AKAP6: variants seen among roughly 807,000 people sequenced by gnomAD.
AKAP6 encodes A-kinase anchoring protein 6, also known as A-kinase anchor protein 6.
A neutral mutation model predicts 188.5 loss-of-function variants in AKAP6; 58 were observed. The observed-to-expected ratio is 0.31, with a 90% CI of 0.25 to 0.38. The LOEUF (loss-of-function observed/expected upper bound fraction) is 0.38, where lower values mean the gene tolerates loss of function less well. Among genes scored for constraint, AKAP6 ranks in the 10% least tolerant of loss-of-function variants. The pLI is 1.00. For synonymous variants in AKAP6, 989 were observed against 998.6 expected, an observed-to-expected ratio of 0.99 and a Z score of 0.18; for missense variants, 2,710 against 2,740.0, an observed-to-expected ratio of 0.99 and a Z score of 0.24.
Position 32,545,614 on chromosome 14 carries a change from T to A in AKAP6, c.961T>A (p.Leu321Ile). The change falls in exon 4 of 14, where the codon TTA (leucine) becomes ATA (isoleucine). Residue 321 changes from leucine to isoleucine, a missense_variant. Around this residue, in one of 2 missense-constraint regions of AKAP6, gnomAD observed 2,473 missense variants for 2,426.1 expected, o/e 1.02. Coordinates refer to ENST00000280979, the MANE Select transcript of AKAP6 (RefSeq NM_004274.5). ...NASAVEEQPG[L>I]TLGVSSSSGE... ...TTCTGCAGTCGAAGAGCAACCAGGC[T>A]TAACACTGGGGGTGTCATCATCTTC... 6.2e-7 allele frequency: 1 copy of A among 1,614,184 alleles called. No individual in the cohort carries two copies. The highest frequency in any genetic ancestry group is 8.5e-7 in the Non-Finnish European group (1 of 1,180,020).
At chr14:32,408,814 G>T (rs1680767464) in intron 1 of AKAP6, among the ~76,000 whole-genome samples, 1 of 152,122 alleles carries the variant, frequency 6.6e-6, no homozygotes. Flanking sequence ...TTGGTGATGG[G>T]TGGGGCTTTC....
At chr14:32,673,142 T>C (rs1450297600) in intron 7 of AKAP6, among the ~76,000 whole-genome samples, 1 of 152,202 alleles carries the variant, frequency 6.6e-6, no homozygotes, top group African/African-American at 2.4e-5. Context: ...GATATCTATC[T>C]GTTTCTTCAC....
At chr14:32,590,538 C>G (rs558616479) in intron 5 of AKAP6, among the ~76,000 whole-genome samples, 2 of 152,210 alleles carry the variant, frequency 1.3e-5, no homozygotes, top group African/African-American at 4.8e-5. Flanking sequence ...TCACTGTGGG[C>G]AACAGATTCT....
chr14:32,452,011 ATTTTTTTTTTT>A (rs61035125), intron 2 of AKAP6, among the ~76,000 whole-genome samples: 22 of 66,196 alleles, frequency 3.3e-4, no homozygotes, highest in South Asian at 6.3e-4. Flanking sequence ...TTTTCTTTAC[ATTTTTTTTTTT>A]TTTTTTTTTT....
At chr14:32,666,371 A>G (rs1431448761) in intron 7 of AKAP6, among the ~76,000 whole-genome samples, 4 of 152,004 alleles carry the variant, frequency 2.6e-5, no homozygotes, top group African/African-American at 4.8e-5. Flanking sequence ...ATGTCTCCAG[A>G]GGCACACAGC....
intron 1 of AKAP6, among the ~76,000 whole-genome samples, chr14:32,345,470 T>G (rs1433608955): frequency 6.6e-6 from 1 of 152,226 alleles, no homozygotes; most frequent in Middle Eastern, 3.2e-3. Context: ...CATCTGAGCT[T>G]GAATTATCTC....
intron 2 of AKAP6, among the ~76,000 whole-genome samples, chr14:32,463,152 G>C (rs1476663885): frequency 6.6e-6 from 1 of 151,968 alleles, no homozygotes; most frequent in East Asian, 1.9e-4. Context: ...AGTAATAGTG[G>C]GAGAGTTTAA....
intron 2 of AKAP6, among the ~76,000 whole-genome samples, chr14:32,523,242 G>A (rs4246974): frequency 0.79 from 120,062 of 151,428 alleles, 48,297 homozygotes; most frequent in African/African-American, 0.91. Flanking sequence ...ATGAGTTAAT[G>A]GGTGCAGCAC....
chr14:32,794,996 AC>A (rs1299859758), intron 12 of AKAP6, among the ~76,000 whole-genome samples: 3 of 152,152 alleles, frequency 2.0e-5, no homozygotes, highest in African/African-American at 7.2e-5. Flanking sequence ...ATTAGAAAAT[AC>A]TATAAACACC....
intron 7 of AKAP6, among the ~76,000 whole-genome samples, chr14:32,631,559 G>A (rs960165822): frequency 1.3e-5 from 2 of 152,032 alleles, no homozygotes; most frequent in African/African-American, 4.8e-5. Flanking sequence ...CTTGAGAGCA[G>A]TAATTACCGC....
intron 2 of AKAP6, among the ~76,000 whole-genome samples, chr14:32,452,616 C>A (rs1890978513): frequency 6.6e-6 from 1 of 151,926 alleles, no homozygotes; most frequent in Non-Finnish European, 1.5e-5. Flanking sequence ...TTGTGACCAG[C>A]CTGGGCAAAA....
At chr14:32,543,188 A>G (rs562531640) in intron 3 of AKAP6, among the ~76,000 whole-genome samples, 1 of 152,260 alleles carries the variant, frequency 6.6e-6, no homozygotes, top group African/African-American at 2.4e-5. Context: ...ACCAGCCTCT[A>G]GCTATTCCCA....
At chr14:32,590,085 A>G (rs1175206325) in intron 5 of AKAP6, among the ~76,000 whole-genome samples, 1 of 152,196 alleles carries the variant, frequency 6.6e-6, no homozygotes, top group African/African-American at 2.4e-5. Context: ...TTCTATATCT[A>G]TAGGGTTGTT....
chr14:32,345,811 G>C (rs1025963212), intron 1 of AKAP6, among the ~76,000 whole-genome samples: 4 of 152,138 alleles, frequency 2.6e-5, no homozygotes, highest in African/African-American at 9.7e-5. Flanking sequence ...TGTCATTTGA[G>C]CACAAGACCA....
Position 32,782,757 on chromosome 14 carries a change from A to C in AKAP6, c.3588+8864A>C, listed in dbSNP as rs142220480. ...TGCTGAGAGAAATTATTAACAAATA[A>C]TAACTAAATTAATAGTGGACTATAC... On this transcript the variant is annotated intron_variant, in intron 12 of 13. Coordinates refer to ENST00000280979, the MANE Select transcript of AKAP6 (RefSeq NM_004274.5). Among the ~76,000 whole-genome samples the C allele has an allele frequency of 3.2e-3, 483 of 152,312 alleles. 4 individuals are homozygous for C. The highest frequency in any genetic ancestry group is 0.011 in the African/African-American group (456 of 41,578).
At chr14:32,699,068 A>G (rs1890521574) in intron 9 of AKAP6, among the ~76,000 whole-genome samples, 1 of 152,156 alleles carries the variant, frequency 6.6e-6, no homozygotes, top group Non-Finnish European at 1.5e-5. Context: ...TCCCCAAGGT[A>G]TGTGTTTAGA....
intron 1 of AKAP6, among the ~76,000 whole-genome samples, chr14:32,419,919 C>T (rs1379215355): frequency 2.0e-5 from 3 of 151,556 alleles, no homozygotes; most frequent in Non-Finnish European, 4.4e-5. Flanking sequence ...AGAAAAAAAA[C>T]AAAAAATAAT....
chr14:32,808,367 C>T (rs1383834076), intron 12 of AKAP6, among the ~76,000 whole-genome samples: 1 of 152,200 alleles, frequency 6.6e-6, no homozygotes, highest in South Asian at 2.1e-4. Flanking sequence ...GTATTGCCTA[C>T]TCCACCTCCT....
At chr14:32,781,453 G>C (rs2033248914) in intron 12 of AKAP6, among the ~76,000 whole-genome samples, 1 of 151,730 alleles carries the variant, frequency 6.6e-6, no homozygotes, top group Non-Finnish European at 1.5e-5. Context: ...GAAAATTTCA[G>C]ACCTAGTTGG....
Sources: gnomAD v4.1 joint callset for allele counts (sites outside exome capture counted in the v4.1 genomes callset) on GRCh38, gnomAD v4.1.1 for gene constraint, gnomAD v4.1.1 regional missense constraint, MANE v1.5 for transcripts, NCBI Gene and HGNC (gene_info 2026-07-23, HGNC 2026-07-21) for gene names.